The following DPY30 variants were observed in gnomAD, a reference collection of about 807,000 sequenced individuals.
DPY30 encodes the protein dpy-30 histone methyltransferase complex regulatory subunit.
Under a neutral mutation model 16.2 loss-of-function variants are expected in DPY30, and 6 were observed. The observed-to-expected ratio is 0.37, with a 90% CI of 0.20 to 0.73. The LOEUF is 0.73. DPY30 is among the 30% of genes least tolerant of loss of function. The probability of loss-of-function intolerance (pLI) is 0.51; values close to 1 mark genes in which losing one functional copy is unlikely to be tolerated. For synonymous variants in DPY30, 39 were observed against 38.8 expected (o/e 1.00, Z -0.02); for missense variants, 73 against 113.1 (o/e 0.65, Z 1.61).
At chr2:32,030,629 C>CA (rs35489420) in intron 3 of DPY30, among the ~76,000 whole-genome samples, 4,690 of 72,014 alleles carry the variant, frequency 0.065, 203 homozygotes, top group East Asian at 0.17. Context: ...GACTCAGTCT[C>CA]AAAAAAAAAA....
Position 32,023,907 on chromosome 2 carries a change from GTGTTTTGACAGTT to G in DPY30, c.*264_*276del. 1 of 1,339,292 alleles carries G rather than the reference GTGTTTTGACAGTT, an allele frequency of 7.5e-7. No homozygotes were observed. The allele number at this position is 1,339,292 out of a possible 1,614,324, so 83.0% of individuals were successfully genotyped here. A position where few individuals can be genotyped will look rare whatever the true frequency, so the allele number is the denominator to read the frequency against. On this transcript the variant is annotated 3_prime_UTR_variant, in exon 5 of 5. Coordinates refer to ENST00000342166, the MANE Select transcript of DPY30 (RefSeq NM_001321209.2). ...GAACAAAAACTACTTTAAAATAATG[GTGTTTTGACAGTT>G]TATTTTGAAGGTCATTTTAAAAACA...
intron 3 of DPY30, among the ~76,000 whole-genome samples, chr2:32,035,950 A>C (rs539910998): frequency 6.6e-6 from 1 of 151,652 alleles, no homozygotes; most frequent in Non-Finnish European, 1.5e-5. Flanking sequence ...AAAAAAAAAA[A>C]AAAGAAAAAG....
At chr2:32,012,933 GAA>G (rs1674996043) in intron 5 of DPY30, 1 of 152,182 alleles carries the variant, frequency 6.6e-6, no homozygotes, top group South Asian at 2.1e-4. Context: ...TGTTTCTATG[GAA>G]AAGAGGTGTG....
chr2:32,019,838 ATATAT>A (rs1558582391), downstream of DPY30, among the ~76,000 whole-genome samples: 21 of 130,198 alleles, frequency 1.6e-4, no homozygotes, highest in African/African-American at 6.4e-4. Flanking sequence ...AAAAAAAAAT[ATATAT>A]ATATATATAT....
At chr2:32,033,692 G>A (rs1675630154) in intron 3 of DPY30, among the ~76,000 whole-genome samples, 1 of 152,118 alleles carries the variant, frequency 6.6e-6, no homozygotes, top group Non-Finnish European at 1.5e-5. Flanking sequence ...AACAAAAAGA[G>A]CAATGCCTAA....
intron 3 of DPY30, among the ~76,000 whole-genome samples, chr2:32,038,878 C>T (rs1218290347): frequency 6.6e-6 from 1 of 152,274 alleles, no homozygotes; most frequent in Non-Finnish European, 1.5e-5. Flanking sequence ...GAACTCCTGA[C>T]CTCAGGTGGT....
intron 5 of DPY30, among the ~76,000 whole-genome samples, chr2:32,016,893 G>GT (rs973763537): frequency 2.0e-5 from 3 of 151,890 alleles, no homozygotes; most frequent in African/African-American, 7.3e-5. Context: ...TTTTGTTGTT[G>GT]TTTTTTTGAG....
In DPY30 at chr2:32,039,271, CGA is replaced by C; in HGVS notation, c.84+6_84+7del. 2 of 1,614,180 alleles carry C rather than the reference CGA, an allele frequency of 1.2e-6. No homozygotes were observed. The highest frequency in any genetic ancestry group is 2.2e-5 in the South Asian group (2 of 91,078). ...ACACAGATGAGGCATAGGAACTTGG[CGA>C]GTTACCTCAACGTTGTCTGTGAGAC... On this transcript the variant is annotated splice_donor_region_variant and intron_variant, in intron 3 of 4. Transcript: ENST00000342166.
downstream of DPY30, among the ~76,000 whole-genome samples, chr2:32,021,286 C>A (rs1356957583): frequency 2.0e-5 from 3 of 151,844 alleles, no homozygotes; most frequent in East Asian, 5.8e-4. Flanking sequence ...CATTTCTATT[C>A]TCAGCCCTTA....
chr2:32,024,436 GT>G (rs1675260835), intron 4 of DPY30, among the ~76,000 whole-genome samples, 180 bp from the exon 5 acceptor site: 1 of 152,174 alleles, frequency 6.6e-6, no homozygotes, highest in African/African-American at 2.4e-5. Context: ...CAACAAAATA[GT>G]TTAATGAGAC....
At chr2:32,032,769 A>G (rs750004497) in intron 3 of DPY30, among the ~76,000 whole-genome samples, 29 of 152,190 alleles carry the variant, frequency 1.9e-4, no homozygotes, top group Non-Finnish European at 4.0e-4. Context: ...AGGCCGAGGC[A>G]GCTGGACCAC....
chr2:32,033,067 T>G (rs976128813), intron 3 of DPY30, among the ~76,000 whole-genome samples: 4 of 150,874 alleles, frequency 2.7e-5, no homozygotes, highest in African/African-American at 7.3e-5. Context: ...TCCCAGTACT[T>G]TGGGAGGCCG....
downstream of DPY30, among the ~76,000 whole-genome samples, chr2:32,021,798 T>C (rs1276222839): frequency 6.6e-6 from 1 of 152,144 alleles, no homozygotes; most frequent in Non-Finnish European, 1.5e-5. Context: ...AAATTTGTAT[T>C]TTTATATTGA....
chr2:32,016,197 C>A (rs897409119), intron 5 of DPY30, among the ~76,000 whole-genome samples: 3 of 152,214 alleles, frequency 2.0e-5, no homozygotes, highest in African/African-American at 4.8e-5. Flanking sequence ...CCGTGCCCGG[C>A]CAAAGGCTGG....
intron 5 of DPY30, among the ~76,000 whole-genome samples, chr2:32,016,464 G>A (rs187145273): frequency 6.6e-5 from 10 of 152,280 alleles, no homozygotes; most frequent in African/African-American, 2.4e-4. Context: ...CCTGGCTACA[G>A]TTTTGTATGC....
intron 4 of DPY30, among the ~76,000 whole-genome samples, chr2:32,024,558 G>A (rs1675263450): frequency 6.6e-6 from 1 of 152,164 alleles, no homozygotes; most frequent in South Asian, 2.1e-4. Flanking sequence ...TGACTTGAAG[G>A]GGTCACATGG....
chr2:32,017,364 C>T (rs778723230), intron 5 of DPY30, among the ~76,000 whole-genome samples: 19 of 151,984 alleles, frequency 1.3e-4, no homozygotes, highest in Non-Finnish European at 2.2e-4. Context: ...TGCCTATAAT[C>T]CCAGCACTTT....
intron 4 of DPY30, among the ~76,000 whole-genome samples, chr2:32,025,855 C>T (rs1049139893): frequency 1.3e-5 from 2 of 151,460 alleles, no homozygotes; most frequent in Admixed American, 6.6e-5. Flanking sequence ...CGCTTATAAT[C>T]CTCACACTTT....
chr2:32,019,303 A>G (rs1379915220), downstream of DPY30, among the ~76,000 whole-genome samples: 1 of 152,084 alleles, frequency 6.6e-6, no homozygotes, highest in Non-Finnish European at 1.5e-5. Context: ...CAGTGGGACT[A>G]GTTTTTCCAT....
Sources: gnomAD v4.1 joint callset for allele counts (sites outside exome capture counted in the v4.1 genomes callset) on GRCh38, gnomAD v4.1.1 for gene constraint, MANE v1.5 for transcripts, NCBI Gene and HGNC (gene_info 2026-07-23, HGNC 2026-07-21) for gene names.